IQCJ: variants seen among roughly 807,000 people sequenced by gnomAD.
IQCJ encodes the protein IQ motif containing J.
IQCJ carries 9 observed loss-of-function variants against 11.0 expected under a neutral mutation model. That is an observed-to-expected ratio of 0.82 (90% CI 0.49 to 1.43). The LOEUF is 1.43. IQCJ is among the 40% of genes most tolerant of loss of function. The probability of loss-of-function intolerance (pLI) is 0.00; values close to 1 mark genes in which losing one functional copy is unlikely to be tolerated. For synonymous variants in IQCJ, 55 were observed against 51.3 expected (o/e 1.07, Z -0.31); for missense variants, 146 against 133.2 (o/e 1.10, Z -0.47).
chr3:159,263,810 A>G (rs1728352236), downstream of IQCJ: 1 of 985,170 alleles, frequency 1.0e-6, no homozygotes, highest in Admixed American at 6.1e-5. Flanking sequence ...AGTGCAAATA[A>G]AAGTGGCAGA....
At chr3:159,109,534 A>AAAAAAAC (rs1173728454) in intron 1 of IQCJ, among the ~76,000 whole-genome samples, 1 of 151,178 alleles carries the variant, frequency 6.6e-6, no homozygotes, top group Non-Finnish European at 1.5e-5. Flanking sequence ...AACTAAAAAA[A>AAAAAAAC]AAAAAAAAAA....
intron 1 of IQCJ, among the ~76,000 whole-genome samples, chr3:159,209,645 CG>C (rs1437159053): frequency 6.6e-6 from 1 of 152,138 alleles, no homozygotes; most frequent in African/African-American, 2.4e-5. Flanking sequence ...TGGGCGGGTA[CG>C]GGGGGTTGTT....
At position 159,091,614 on chromosome 3, in the gene IQCJ, A is replaced by C. The variant is rs76390875; in HGVS notation, c.9+22173A>C. On this transcript the variant is annotated intron_variant, in intron 1 of 3. Coordinates refer to ENST00000397832, the MANE Select transcript of IQCJ (RefSeq NM_001042706.3). ...TAGCAGTGAGTCTGCAGTGTCAGAA[A>C]TCAAGACAGTTATGAGAACCTAAAG... 2.6e-5 allele frequency among the ~76,000 whole-genome samples: 4 copies of C among 151,048 alleles called. No individual in the cohort carries two copies. In the East Asian group the frequency reaches 7.8e-4, roughly 29 times the overall value.
At chr3:159,075,424 A>T (rs1398563737) in intron 1 of IQCJ, among the ~76,000 whole-genome samples, 1 of 152,150 alleles carries the variant, frequency 6.6e-6, no homozygotes, top group African/African-American at 2.4e-5. Context: ...ACAAGCTGTG[A>T]CAATCAAAAG....
chr3:159,235,848 T>C lies in IQCJ; in HGVS notation c.10-9995T>C, dbSNP rs534454286. 2.0e-5 allele frequency among the ~76,000 whole-genome samples: 3 copies of C among 152,314 alleles called. No homozygotes were observed. The South Asian group carries it at 6.2e-4, about 32-fold the overall frequency. On this transcript the variant is annotated intron_variant, in intron 1 of 3. Transcript: ENST00000397832. ...AGAACAATGAGCTATCACAACAATT[T>C]TCAATTTTCATAGGCATATCTTATG... is the stretch of plus-strand genomic sequence containing the variant.
At chr3:159,147,774 T>A (rs192204251) in intron 1 of IQCJ, among the ~76,000 whole-genome samples, 29 of 152,366 alleles carry the variant, frequency 1.9e-4, no homozygotes, top group African/African-American at 6.0e-4. Context: ...ACATAATTCA[T>A]GGTTATCTTG....
At chr3:159,150,485 TGCAGA>T (rs756249246) in intron 1 of IQCJ, among the ~76,000 whole-genome samples, 8 of 152,110 alleles carry the variant, frequency 5.3e-5, no homozygotes, top group South Asian at 2.1e-4. Flanking sequence ...GGTGGAGAAT[TGCAGA>T]TGGGCTCAGT....
chr3:159,116,470 T>A (rs1279510481), intron 1 of IQCJ, among the ~76,000 whole-genome samples: 1 of 151,722 alleles, frequency 6.6e-6, no homozygotes, highest in Non-Finnish European at 1.5e-5. Context: ...ATTGTGGATC[T>A]CTTAAGTTAG....
intron 2 of IQCJ, among the ~76,000 whole-genome samples, chr3:159,246,584 A>G (rs1727285233): frequency 6.6e-6 from 1 of 152,108 alleles, no homozygotes; most frequent in Non-Finnish European, 1.5e-5. Context: ...CTGAGCCCTA[A>G]TGTACTCAGG....
chr3:159,135,982 A>T (rs1450848821), intron 1 of IQCJ, among the ~76,000 whole-genome samples: 1 of 152,198 alleles, frequency 6.6e-6, no homozygotes, highest in Non-Finnish European at 1.5e-5. Flanking sequence ...TGTACCACCC[A>T]ATAAAGTAAG....
chr3:159,234,984 G>A (rs972381429), intron 1 of IQCJ, among the ~76,000 whole-genome samples: 1 of 152,160 alleles, frequency 6.6e-6, no homozygotes, highest in African/African-American at 2.4e-5. Context: ...ATGTTGTTCT[G>A]ATTGCCTGCA....
chr3:159,164,425 A>T (rs1013066634), intron 1 of IQCJ, among the ~76,000 whole-genome samples: 1 of 152,162 alleles, frequency 6.6e-6, no homozygotes, highest in African/African-American at 2.4e-5. Flanking sequence ...ATGCTTACTA[A>T]ACTCTCAGTC....
chr3:159,091,851 G>C (rs1717334218), intron 1 of IQCJ, among the ~76,000 whole-genome samples: 1 of 151,750 alleles, frequency 6.6e-6, no homozygotes, highest in East Asian at 1.9e-4. Context: ...AAAAGAAAGA[G>C]AAAGGAGGAA....
At chr3:159,151,525 C>T (rs773580310) in intron 1 of IQCJ, among the ~76,000 whole-genome samples, 1 of 152,218 alleles carries the variant, frequency 6.6e-6, no homozygotes, top group Admixed American at 6.5e-5. Flanking sequence ...TGGAGCTGCC[C>T]CTCCTGTGGC....
chr3:159,162,009 C>T (rs1318713058), intron 1 of IQCJ, among the ~76,000 whole-genome samples: 6 of 152,090 alleles, frequency 3.9e-5, no homozygotes, highest in African/African-American at 1.2e-4. Context: ...GACTTGGCGA[C>T]ACGGGCTCTT....
chr3:159,181,359 C>T (rs1230320453), intron 1 of IQCJ, among the ~76,000 whole-genome samples: 4 of 148,326 alleles, frequency 2.7e-5, no homozygotes, highest in African/African-American at 1.0e-4. Flanking sequence ...CTTTTGCTGG[C>T]ATTCTCACTG....
At chr3:159,254,962 C>A (rs1382136331) in intron 3 of IQCJ, among the ~76,000 whole-genome samples, 2 of 152,246 alleles carry the variant, frequency 1.3e-5, no homozygotes, top group Admixed American at 6.5e-5. Flanking sequence ...TCTGCGGGGG[C>A]TTTGCCCCAT....
chr3:159,118,316 T>C lies in IQCJ; in HGVS notation c.9+48875T>C, dbSNP rs1474541002. The stretch of plus-strand genomic sequence containing the variant: ...ACAGAAAGCAGAACTAGTTGGTAGA[T>C]GCTCCCAGCAGACTTCCCCTTGATC... On this transcript the variant is annotated intron_variant, in intron 1 of 3. Coordinates refer to ENST00000397832, the MANE Select transcript of IQCJ (RefSeq NM_001042706.3). Among the ~76,000 whole-genome samples the C allele has an allele frequency of 2.0e-5, 3 of 152,140 alleles. No homozygotes were observed. In the East Asian group the frequency reaches 5.8e-4, roughly 29 times the overall value.
chr3:159,114,508 G>A (rs553095865), intron 1 of IQCJ, among the ~76,000 whole-genome samples: 6 of 150,836 alleles, frequency 4.0e-5, no homozygotes, highest in Middle Eastern at 3.4e-3. Flanking sequence ...AAGGGGTTTC[G>A]CCATGTTGGC....
Sources: gnomAD v4.1 joint callset for allele counts (sites outside exome capture counted in the v4.1 genomes callset) on GRCh38, gnomAD v4.1.1 for gene constraint, MANE v1.5 for transcripts, NCBI Gene and HGNC (gene_info 2026-07-23, HGNC 2026-07-21) for gene names.